TLN2: variants seen among roughly 807,000 people sequenced by gnomAD.
The protein encoded by TLN2 is talin 2.
A neutral mutation model predicts 294.7 loss-of-function variants in TLN2; 118 were observed. The ratio of observed to expected loss-of-function variants is 0.40; its 90% CI spans 0.34 to 0.47. The LOEUF is 0.47. TLN2 is among the 20% of genes least tolerant of loss of function. The pLI is 0.84. For synonymous variants in TLN2, 1,431 were observed against 1,304.5 expected (o/e 1.10, Z -2.09); for missense variants, 3,083 against 3,282.2 (o/e 0.94, Z 1.48).
intron 1 of TLN2, among the ~76,000 whole-genome samples, chr15:62,465,283 C>A (rs2037063284): frequency 6.6e-6 from 1 of 151,994 alleles, no homozygotes; most frequent in African/African-American, 2.4e-5. Context: ...GCCTAGCCCC[C>A]CTATCCCAGC....
At chr15:62,479,176 G>T (rs925638396) in intron 1 of TLN2, among the ~76,000 whole-genome samples, 1 of 152,274 alleles carries the variant, frequency 6.6e-6, no homozygotes, top group Non-Finnish European at 1.5e-5. Context: ...GAGCTTGGGG[G>T]AGCTGGATTC....
intron 1 of TLN2, among the ~76,000 whole-genome samples, chr15:62,478,733 A>G (rs769797372): frequency 1.3e-5 from 2 of 152,152 alleles, no homozygotes; most frequent in African/African-American, 2.4e-5. Flanking sequence ...TGGGATTTCT[A>G]TGTCAAAGAC....
intron 3 of TLN2, among the ~76,000 whole-genome samples, chr15:62,618,858 G>C (rs2048530114): frequency 1.3e-5 from 2 of 152,206 alleles, no homozygotes; most frequent in South Asian, 4.1e-4. Context: ...CAAAGGTTCA[G>C]TTAGAAAATG....
At chr15:62,408,284 T>A (rs2033546202) in intron 1 of TLN2, among the ~76,000 whole-genome samples, 2 of 152,328 alleles carry the variant, frequency 1.3e-5, no homozygotes, top group East Asian at 3.9e-4. Flanking sequence ...TGTTATAAAA[T>A]GTGCTTGTAT....
intron 1 of TLN2, among the ~76,000 whole-genome samples, chr15:62,504,439 A>G (rs1428554393): frequency 6.6e-6 from 1 of 152,254 alleles, no homozygotes; most frequent in Non-Finnish European, 1.5e-5. Context: ...CGTCAAAGCT[A>G]TAGAAAGCAA....
intron 54 of TLN2, chr15:62,828,430 C>G (rs945343670): frequency 1.3e-5 from 2 of 152,226 alleles, no homozygotes; most frequent in African/African-American, 4.8e-5. Context: ...GCAACAAACA[C>G]CTTCATTAGG....
intron 54 of TLN2, among the ~76,000 whole-genome samples, chr15:62,822,897 G>A (rs1273716084): frequency 6.6e-6 from 1 of 152,152 alleles, no homozygotes; most frequent in Admixed American, 6.5e-5. Context: ...TTGGGATGAT[G>A]GAAGGGTCTG....
rs1011858265 is a variant in TLN2, at chr15:62,820,754, G to A, written c.7002+144G>A. The stretch of plus-strand genomic sequence containing the variant: ...AGCAGAAAACCGGATCTACCTGCCC[G>A]GCACTGCTTTAGAGTATGGGGGTAA... On this transcript the variant is annotated intron_variant, in intron 54 of 58. Transcript: ENST00000636159. 4 of 1,117,456 alleles carry A rather than the reference G, an allele frequency of 3.6e-6. No individual in the cohort carries two copies. The African/African-American group carries it at 4.7e-5, about 13-fold the overall frequency. 69.2% of individuals were successfully genotyped at this position (1,117,456 alleles called of 1,614,324 possible). A position where few individuals can be genotyped will look rare whatever the true frequency, so the allele number is the denominator to read the frequency against.
intron 1 of TLN2, among the ~76,000 whole-genome samples, chr15:62,492,561 GAAA>G (rs922229986): frequency 7.4e-6 from 1 of 134,454 alleles, no homozygotes; most frequent in Non-Finnish European, 1.6e-5. Context: ...AAAAAAAAAA[GAAA>G]AAAAGAAAAA....
intron 25 of TLN2, among the ~76,000 whole-genome samples, chr15:62,721,635 G>C (rs183953038): frequency 9.7e-4 from 148 of 152,130 alleles, no homozygotes; most frequent in African/African-American, 3.4e-3. Flanking sequence ...TATGCTCTTT[G>C]ATCCAGAAAT....
intron 9 of TLN2, among the ~76,000 whole-genome samples, chr15:62,665,372 A>C (rs2054489996): frequency 1.3e-5 from 2 of 152,218 alleles, no homozygotes; most frequent in East Asian, 1.9e-4. Context: ...TTTTAAAAAA[A>C]GGTGGTTGCA....
intron 1 of TLN2, among the ~76,000 whole-genome samples, chr15:62,440,010 G>A (rs556404745): frequency 1.3e-5 from 2 of 152,286 alleles, no homozygotes; most frequent in Admixed American, 1.3e-4. Flanking sequence ...CTGGATTTTA[G>A]ACAGGGCAGG....
chr15:62,668,201 A>G (rs1165461543), intron 9 of TLN2, among the ~76,000 whole-genome samples: 1 of 152,206 alleles, frequency 6.6e-6, no homozygotes, highest in Non-Finnish European at 1.5e-5. Flanking sequence ...AATTTTAGGT[A>G]ATTTTACAAA....
Position 62,424,356 on chromosome 15 carries a change from A to G in TLN2, c.-238+33671A>G, listed in dbSNP as rs146957320. On this transcript the variant is annotated intron_variant, in intron 1 of 58. Transcript: ENST00000636159. ...GAGTGGCTGAAGAAAGGAGAAAGGA[A>G]TGAGACGCGGAGTGGTGAAGGCCTC... 2.3e-3 allele frequency among the ~76,000 whole-genome samples: 345 copies of G among 152,318 alleles called. 2 individuals are homozygous for G. Among genetic ancestry groups the G allele is most frequent in the African/African-American group, 8.0e-3 (332 of 41,572 alleles).
chr15:62,616,917 C>G (rs945376781), intron 2 of TLN2, among the ~76,000 whole-genome samples: 4 of 152,162 alleles, frequency 2.6e-5, no homozygotes, highest in Admixed American at 6.5e-5. Context: ...ATGTTCCTGC[C>G]TGTGACTGGT....
intron 1 of TLN2, among the ~76,000 whole-genome samples, chr15:62,497,286 A>G (rs1191421649): frequency 6.6e-6 from 1 of 152,200 alleles, no homozygotes; most frequent in Non-Finnish European, 1.5e-5. Context: ...CTTCCTCCCC[A>G]AAATATCTGG....
chr15:62,735,059 A>C (rs2060934347), intron 28 of TLN2, among the ~76,000 whole-genome samples: 1 of 152,244 alleles, frequency 6.6e-6, no homozygotes, highest in Admixed American at 6.5e-5. Context: ...TTCTAACAGA[A>C]AGGGCTCATA....
chr15:62,741,748 C>CGCGAGTGTGTGTGTGTGTGTGTGTGT, intron 32 of TLN2, among the ~76,000 whole-genome samples: 1 of 131,072 alleles, frequency 7.6e-6, no homozygotes, highest in Non-Finnish European at 1.6e-5. Context: ...AAAATTTGCG[C>CGCGAGTGTGTGTGTGTGTGTGTGTGT]GTGTGTGTGT....
At chr15:62,562,906 T>TCTCA (rs1195322655) in intron 1 of TLN2, among the ~76,000 whole-genome samples, 8 of 99,242 alleles carry the variant, frequency 8.1e-5, no homozygotes, top group African/African-American at 2.3e-4. Context: ...TAGTATTCCA[T>TCTCA]CACACACACA....
Sources: gnomAD v4.1 joint callset for allele counts (sites outside exome capture counted in the v4.1 genomes callset) on GRCh38, gnomAD v4.1.1 for gene constraint, MANE v1.5 for transcripts, NCBI Gene and HGNC (gene_info 2026-07-23, HGNC 2026-07-21) for gene names.